SYN3: variants seen among roughly 807,000 people sequenced by gnomAD.
SYN3 encodes synapsin III, also known as synapsin-3.
In SYN3, 35 loss-of-function variants were observed where a neutral mutation model predicts 65.8. That is an observed-to-expected ratio of 0.53 (90% CI 0.41 to 0.70). The LOEUF (loss-of-function observed/expected upper bound fraction) is 0.70, where lower values mean the gene tolerates loss of function less well. SYN3 is among the 30% of genes least tolerant of loss of function. The probability of loss-of-function intolerance (pLI) is 0.00; values close to 1 mark genes in which losing one functional copy is unlikely to be tolerated. For synonymous variants in SYN3, 270 were observed against 292.9 expected (o/e 0.92, Z 0.80); for missense variants, 680 against 749.0 (o/e 0.91, Z 1.08).
chr22:32,723,092 C>T (rs1271229052), intron 6 of SYN3, among the ~76,000 whole-genome samples: 10 of 152,172 alleles, frequency 6.6e-5, no homozygotes, highest in Admixed American at 2.6e-4. Flanking sequence ...ATCCAAGACT[C>T]AAACCTGAGC....
At chr22:32,740,679 C>A (rs533559006) in intron 6 of SYN3, among the ~76,000 whole-genome samples, 21 of 152,282 alleles carry the variant, frequency 1.4e-4, no homozygotes, top group African/African-American at 4.6e-4. Context: ...AGTTAACTAA[C>A]AGGGAAATGA....
At chr22:33,050,879 G>A (rs541123779) in intron 1 of SYN3, among the ~76,000 whole-genome samples, 13 of 152,256 alleles carry the variant, frequency 8.5e-5, no homozygotes, top group Admixed American at 2.0e-4. Flanking sequence ...CACTACCAGC[G>A]CAGCTCGGAT....
chr22:32,547,308 C>T lies in SYN3; in HGVS notation c.775-5595G>A, dbSNP rs555305963. Among the ~76,000 whole-genome samples, 13 of 152,112 alleles carry T rather than the reference C, an allele frequency of 8.5e-5. No individual in the cohort carries two copies. The East Asian group carries it at 2.3e-3, about 27-fold the overall frequency. On this transcript the variant is annotated intron_variant, in intron 7 of 13. Coordinates refer to ENST00000358763, the MANE Select transcript of SYN3 (RefSeq NM_003490.4). Reference sequence around the variant, plus strand: ...CCACTCTTCCTTTTGCTTTTAATGCCATCTGTTTCCCTCTTGCACCTCTTT... The same window carrying T: ...CCACTCTTCCTTTTGCTTTTAATGCTATCTGTTTCCCTCTTGCACCTCTTT...
intron 6 of SYN3, among the ~76,000 whole-genome samples, chr22:32,638,506 G>C (rs967781877): frequency 6.6e-6 from 1 of 152,156 alleles, no homozygotes; most frequent in South Asian, 2.1e-4. Flanking sequence ...CAGCCATTCT[G>C]ACCGATGTGA....
At chr22:32,637,583 G>A (rs2059833325) in intron 6 of SYN3, among the ~76,000 whole-genome samples, 1 of 151,434 alleles carries the variant, frequency 6.6e-6, no homozygotes, top group Non-Finnish European at 1.5e-5. Flanking sequence ...CTGTCACTCA[G>A]GTACTGAGCA....
At chr22:32,536,462 G>C (rs1443713329) in intron 9 of SYN3, among the ~76,000 whole-genome samples, 1 of 152,228 alleles carries the variant, frequency 6.6e-6, no homozygotes, top group Non-Finnish European at 1.5e-5. Flanking sequence ...AGTTGAAGAA[G>C]CTCAGAAAGC....
rs893849187 is a variant in SYN3, at chr22:32,550,370, A to AG, written c.775-8658_775-8657insC. On this transcript the variant is annotated intron_variant, in intron 7 of 13. Coordinates refer to ENST00000358763, the MANE Select transcript of SYN3 (RefSeq NM_003490.4). ...ATAATTTGTTTAACCACATTAAAAA[A>AG]AAAAAAAAAGCTCAACACAACAGTA... Among the ~76,000 whole-genome samples the AG allele has an allele frequency of 3.9e-3, 599 of 152,022 alleles. 6 individuals are homozygous for AG. The highest frequency in any genetic ancestry group is 0.014 in the African/African-American group (567 of 41,524).
At chr22:32,874,517 A>C (rs1230281882) in intron 4 of SYN3, among the ~76,000 whole-genome samples, 1 of 152,228 alleles carries the variant, frequency 6.6e-6, no homozygotes, top group East Asian at 1.9e-4. Flanking sequence ...AGTGACTCTT[A>C]ACCATTGGAG....
At chr22:32,676,335 G>C (rs2060440803) in intron 6 of SYN3, among the ~76,000 whole-genome samples, 1 of 152,104 alleles carries the variant, frequency 6.6e-6, no homozygotes, top group South Asian at 2.1e-4. Context: ...ACAGGTCCCA[G>C]ACAGCTTGGC....
intron 6 of SYN3, among the ~76,000 whole-genome samples, chr22:32,750,966 T>C (rs1462348384): frequency 1.3e-5 from 2 of 152,108 alleles, no homozygotes; most frequent in Non-Finnish European, 2.9e-5. Context: ...AGACACCTCA[T>C]AGCAGTCTCT....
rs140464317 is a variant in SYN3 at position 32,650,215 on chromosome 22, TTCTC to T, written c.712-53483_712-53480del. ...TATTCTAAGCTCTTTACACTTTTCT[TTCTC>T]TCTCTCTCTCTCTCCCTCCCTCCCT... is the stretch of plus-strand genomic sequence containing the variant. On this transcript the variant is annotated intron_variant, in intron 6 of 13. Coordinates refer to ENST00000358763, the MANE Select transcript of SYN3 (RefSeq NM_003490.4). 2.1e-3 allele frequency among the ~76,000 whole-genome samples: 261 copies of T among 122,894 alleles called. 8 individuals carry two copies. Among genetic ancestry groups the T allele is most frequent in the Middle Eastern group, 0.012 (3 of 254 alleles). 80.6% of individuals were successfully genotyped at this position (122,894 alleles called of 152,430 possible). A position where few individuals can be genotyped will look rare whatever the true frequency, so the allele number is the denominator to read the frequency against.
chr22:32,677,674 G>A (rs1391252026), intron 6 of SYN3, among the ~76,000 whole-genome samples: 2 of 151,996 alleles, frequency 1.3e-5, no homozygotes, highest in African/African-American at 2.4e-5. Context: ...GGTGGCGGGC[G>A]CCTGTAGTCC....
chr22:32,667,505 G>A (rs1239094982), intron 6 of SYN3, among the ~76,000 whole-genome samples: 1 of 152,088 alleles, frequency 6.6e-6, no homozygotes, highest in Non-Finnish European at 1.5e-5. Flanking sequence ...GCAAAGTCTT[G>A]GCACACCGTC....
chr22:32,894,359 T>C (rs896100696), intron 4 of SYN3, among the ~76,000 whole-genome samples: 2 of 152,240 alleles, frequency 1.3e-5, no homozygotes, highest in South Asian at 2.1e-4. Flanking sequence ...TGCTGTGGGT[T>C]GGCTAACCCA....
chr22:32,605,509 T>C (rs1294092698), intron 6 of SYN3, among the ~76,000 whole-genome samples: 2 of 152,216 alleles, frequency 1.3e-5, no homozygotes, highest in Admixed American at 1.3e-4. Flanking sequence ...GCACTTTACA[T>C]ATATCGCCCC....
chr22:32,585,991 C>T (rs548531230), intron 7 of SYN3, among the ~76,000 whole-genome samples: 27 of 79,846 alleles, frequency 3.4e-4, no homozygotes, highest in African/African-American at 6.9e-4. Flanking sequence ...TGTATGTATA[C>T]GTATATATGT....
intron 6 of SYN3, among the ~76,000 whole-genome samples, chr22:32,746,416 T>C (rs904674764): frequency 1.3e-5 from 2 of 151,872 alleles, no homozygotes; most frequent in African/African-American, 4.9e-5. Flanking sequence ...TCTCTGGGTC[T>C]CTTTGAAATG....
chr22:32,917,284 A>T (rs1407149644), intron 4 of SYN3, among the ~76,000 whole-genome samples: 2 of 152,102 alleles, frequency 1.3e-5, no homozygotes, highest in African/African-American at 4.8e-5. Flanking sequence ...TTCCAATATT[A>T]AGCTGTGTCA....
chr22:32,750,211 C>G (rs1183060689), intron 6 of SYN3, among the ~76,000 whole-genome samples: 1 of 152,114 alleles, frequency 6.6e-6, no homozygotes, highest in Non-Finnish European at 1.5e-5. Context: ...GAGAAGGGGA[C>G]AGAGAACGCC....
Sources: allele counts gnomAD v4.1 joint callset (sites outside exome capture counted in the v4.1 genomes callset), GRCh38; gene constraint gnomAD v4.1.1; transcripts MANE v1.5; gene names NCBI Gene and HGNC (gene_info 2026-07-23, HGNC 2026-07-21).